SLC5A1: variants seen among roughly 807,000 people sequenced by gnomAD.
SLC5A1 encodes the protein sodium/glucose cotransporter 1.
Under a neutral mutation model 73.5 loss-of-function variants are expected in SLC5A1, and 42 were observed. The observed-to-expected ratio is 0.57, with a 90% confidence interval of 0.45 to 0.74. SLC5A1 has a LOEUF of 0.74. Ranked by LOEUF, SLC5A1 falls within the 30% of genes least tolerant of loss-of-function variation. SLC5A1 has a pLI of 0.00. For missense variants in SLC5A1, 634 were observed against 855.4 expected, an observed-to-expected ratio of 0.74 and a Z score of 3.23; for synonymous variants, 300 against 317.4, an observed-to-expected ratio of 0.95 and a Z score of 0.58.
At chr22:32,072,882 A>C (rs147881717) in intron 5 of SLC5A1, among the ~76,000 whole-genome samples, 1,833 of 152,186 alleles carry the variant, frequency 0.012, 54 homozygotes, top group African/African-American at 0.042. Flanking sequence ...TTATTGGGTT[A>C]TGTGTCTATT....
intron 5 of SLC5A1, among the ~76,000 whole-genome samples, chr22:32,081,200 A>AAGAAC (rs936002061): frequency 2.0e-5 from 3 of 152,144 alleles, no homozygotes; most frequent in African/African-American, 7.2e-5. Flanking sequence ...GTGAAGATGG[A>AAGAAC]AGAACTGCAT....
chr22:32,050,160 G>T (rs1281299081), intron 2 of SLC5A1, 146 bp downstream of exon 2: 2 of 762,982 alleles, frequency 2.6e-6, no homozygotes, highest in South Asian at 2.8e-5. Context: ...ATGCTCATCG[G>T]GTCTCCTGGG....
In SLC5A1 at chr22:32,084,679, G is replaced by A. The variant is rs201505380; in HGVS notation, c.885+20G>A. ...GATCAGGTACCCAAGCTGGATGTGC[G>A]GGATGGACAGAGTCTTCTCCAGGGC... On this transcript the variant is annotated intron_variant, in intron 8 of 14. Coordinates refer to ENST00000266088, the MANE Select transcript of SLC5A1 (RefSeq NM_000343.4). 94 of 1,600,774 alleles carry A rather than the reference G, an allele frequency of 5.9e-5. 2 individuals are homozygous for A. Among genetic ancestry groups the A allele is most frequent in the South Asian group, 5.6e-4 (51 of 90,754 alleles).
intron 5 of SLC5A1, among the ~76,000 whole-genome samples, chr22:32,080,616 A>C (rs1309501627): frequency 6.6e-6 from 1 of 152,162 alleles, no homozygotes; most frequent in African/African-American, 2.4e-5. Context: ...GCGTGCCGTG[A>C]AATGTTAGGG....
intron 10 of SLC5A1, among the ~76,000 whole-genome samples, chr22:32,087,854 G>T (rs1303361645): frequency 6.6e-6 from 1 of 152,124 alleles, no homozygotes; most frequent in Non-Finnish European, 1.5e-5. Context: ...TTGGGGAAAC[G>T]GAAGCCAATA....
chr22:32,072,046 C>A (rs550981148), intron 5 of SLC5A1, among the ~76,000 whole-genome samples: 1 of 152,208 alleles, frequency 6.6e-6, no homozygotes, highest in African/African-American at 2.4e-5. Flanking sequence ...TTTTCCCCAG[C>A]AGTATTTTAT....
chr22:32,060,144 T>TATAC (rs1440622977), intron 2 of SLC5A1, among the ~76,000 whole-genome samples: 1 of 125,114 alleles, frequency 8.0e-6, no homozygotes, highest in Admixed American at 7.3e-5. Flanking sequence ...TATATACACA[T>TATAC]ACACACACAC....
At chr22:32,096,466 T>C (rs1161053044) in intron 11 of SLC5A1, among the ~76,000 whole-genome samples, 1 of 152,174 alleles carries the variant, frequency 6.6e-6, no homozygotes, top group Non-Finnish European at 1.5e-5. Flanking sequence ...CTGGCCATCT[T>C]TGAGGCCCAT....
At chr22:32,056,047 T>C (rs2093951304) in intron 2 of SLC5A1, among the ~76,000 whole-genome samples, 1 of 152,184 alleles carries the variant, frequency 6.6e-6, no homozygotes, top group South Asian at 2.1e-4. Flanking sequence ...TGTTTGTTTT[T>C]TGAGACACAG....
intron 11 of SLC5A1, among the ~76,000 whole-genome samples, chr22:32,098,650 A>T (rs1243014747): frequency 1.3e-5 from 2 of 152,202 alleles, no homozygotes; most frequent in African/African-American, 4.8e-5. Context: ...CATAGGCATG[A>T]ATGACTTTCC....
chr22:32,100,374 A>C (rs1914642073), intron 12 of SLC5A1, among the ~76,000 whole-genome samples: 1 of 152,180 alleles, frequency 6.6e-6, no homozygotes, highest in Non-Finnish European at 1.5e-5. Context: ...ACTATGTTGA[A>C]TAAAAGTGGT....
Position 32,112,280 on chromosome 22 carries a change from T to A in SLC5A1, c.*2067T>A, listed in dbSNP as rs1477352188. ...GTTGTATCACTGTTAGAAGGCTGCTTTGGGACATTCTGCAGCAGGGAGGAG... is the reference window on the plus strand; with the variant it reads ...GTTGTATCACTGTTAGAAGGCTGCTATGGGACATTCTGCAGCAGGGAGGAG... On this transcript the variant is annotated 3_prime_UTR_variant, in exon 15 of 15. Coordinates refer to ENST00000266088, the MANE Select transcript of SLC5A1 (RefSeq NM_000343.4). The A allele has an allele frequency of 6.6e-6, 1 of 152,162 alleles. No individual in the cohort carries two copies. Among genetic ancestry groups the A allele is most frequent in the African/African-American group, 2.4e-5 (1 of 41,426 alleles). The allele number at this position is 152,162 out of a possible 1,614,324, so 9.4% of individuals were successfully genotyped here.
intron 14 of SLC5A1, among the ~76,000 whole-genome samples, chr22:32,107,980 A>G (rs757923186): frequency 3.9e-5 from 6 of 152,092 alleles, no homozygotes; most frequent in Non-Finnish European, 8.8e-5. Flanking sequence ...TTAATTATAA[A>G]CACTTTAGTG....
chr22:32,073,413 G>A (rs1191672582), intron 5 of SLC5A1, among the ~76,000 whole-genome samples: 2 of 152,164 alleles, frequency 1.3e-5, no homozygotes, highest in African/African-American at 2.4e-5. Context: ...CCAACACCTA[G>A]GAATAGTGCT....
chr22:32,076,813 CAG>C (rs1195191207), intron 5 of SLC5A1, among the ~76,000 whole-genome samples: 1 of 152,236 alleles, frequency 6.6e-6, no homozygotes, highest in Non-Finnish European at 1.5e-5. Flanking sequence ...AGCTCCCAAT[CAG>C]AGACTCAGTT....
At chr22:32,076,723 G>A (rs1263413551) in intron 5 of SLC5A1, among the ~76,000 whole-genome samples, 3 of 152,206 alleles carry the variant, frequency 2.0e-5, no homozygotes, top group South Asian at 2.1e-4. Context: ...TCTTGGTTAC[G>A]ACCAGAATGG....
intron 11 of SLC5A1, among the ~76,000 whole-genome samples, chr22:32,094,401 T>C (rs999861231): frequency 9.9e-5 from 15 of 152,194 alleles, no homozygotes; most frequent in Non-Finnish European, 1.8e-4. Flanking sequence ...TGTGGAATAG[T>C]GTCAATAGGA....
chr22:32,086,319 T>C lies in SLC5A1; in HGVS notation c.1121T>C (p.Met374Thr), dbSNP rs1434113481. ...IAYPTLVVEL[M>T]PNGLRGLMLS... Reference sequence around the variant, plus strand: ...TATCCAACCTTAGTGGTGGAGCTCATGCCCAATGGTGAGATTCTTTCTTGG... The same window carrying C: ...TATCCAACCTTAGTGGTGGAGCTCACGCCCAATGGTGAGATTCTTTCTTGG... The change falls in exon 10 of 15, where the codon ATG becomes ACG. Residue 374 changes from methionine to threonine, a missense_variant. By Grantham distance (81) the Met-to-Thr change is moderately conservative (BLOSUM62 -1). Coordinates refer to ENST00000266088, the MANE Select transcript of SLC5A1 (RefSeq NM_000343.4). 1 of 1,607,482 alleles carries C rather than the reference T, an allele frequency of 6.2e-7. No homozygotes were observed. The highest frequency in any genetic ancestry group is 1.3e-5 in the African/African-American group (1 of 74,802).
chr22:32,054,447 G>A (rs2093948989), intron 2 of SLC5A1, among the ~76,000 whole-genome samples: 1 of 152,130 alleles, frequency 6.6e-6, no homozygotes, highest in South Asian at 2.1e-4. Flanking sequence ...TCAGTGGGAG[G>A]GAGAAGGGTC....
Sources: allele counts gnomAD v4.1 joint callset (sites outside exome capture counted in the v4.1 genomes callset), GRCh38; gene constraint gnomAD v4.1.1; transcripts MANE v1.5; gene names NCBI Gene and HGNC (gene_info 2026-07-23, HGNC 2026-07-21).